The following CFHR3 variants were observed in gnomAD, a reference collection of about 807,000 sequenced individuals.
The protein encoded by CFHR3 is complement factor H related 3, also known as complement factor H-related protein 3.
Under a neutral mutation model 36.0 loss-of-function variants are expected in CFHR3, and 22 were observed. The observed-to-expected ratio is 0.61, with a 90% CI of 0.44 to 0.87. The LOEUF (loss-of-function observed/expected upper bound fraction) is 0.87. CFHR3 is among the 40% of genes least tolerant of loss of function. The pLI is 0.00. For missense variants in CFHR3, 276 were observed against 401.3 expected (o/e 0.69, Z 2.67); for synonymous variants, 97 against 137.4 (o/e 0.71, Z 2.06).
Position 196,776,957 on chromosome 1 carries a change from A to G in CFHR3, c.58+2013A>G, listed in dbSNP as rs1417408039. ...CTTGTTGAATACTTTGTGTTTACAT[A>G]TTATCTGTATTCATCTATATTCAGA... On this transcript the variant is annotated intron_variant, in intron 1 of 5. Coordinates refer to ENST00000367425, the MANE Select transcript of CFHR3 (RefSeq NM_021023.6). Among the ~76,000 whole-genome samples, 4 of 135,536 alleles carry G rather than the reference A, an allele frequency of 3.0e-5. 1 individual carries two copies. Among genetic ancestry groups the G allele is most frequent in the Admixed American group, 1.4e-4 (2 of 13,956 alleles). The allele number at this position is 135,536 out of a possible 152,430, so 88.9% of individuals were successfully genotyped here. A position where few individuals can be genotyped will look rare whatever the true frequency, so the allele number is the denominator to read the frequency against.
chr1:196,778,303 A>C lies in CFHR3; in HGVS notation c.59-859A>C, dbSNP rs1302251400. Among the ~76,000 whole-genome samples, 5 of 136,654 alleles carry C rather than the reference A, an allele frequency of 3.7e-5. 2 individuals carry two copies. The highest frequency in any genetic ancestry group is 7.7e-5 in the Non-Finnish European group (5 of 64,564). The allele number at this position is 136,654 out of a possible 152,430, so 89.7% of individuals were successfully genotyped here. A position where few individuals can be genotyped will look rare whatever the true frequency, so the allele number is the denominator to read the frequency against. On this transcript the variant is annotated intron_variant, in intron 1 of 5. Transcript: ENST00000367425. ...CTCTGAACTTAGTCTTCTCATCTGC[A>C]CACTAAAGCTGTTGTGCCGCTAGCC...
chr1:196,778,330 C>G lies in CFHR3; in HGVS notation c.59-832C>G, dbSNP rs1167002600. Among the ~76,000 whole-genome samples the G allele has an allele frequency of 1.5e-5, 2 of 136,950 alleles. 1 individual carries two copies. Among genetic ancestry groups the G allele is most frequent in the African/African-American group, 6.1e-5 (2 of 32,810 alleles). 89.8% of individuals were successfully genotyped at this position (136,950 alleles called of 152,430 possible). ...ACTAAAGCTGTTGTGCCGCTAGCCTCCTTCCCGTTCTCTCTGATTTATGAT... is the reference window on the plus strand; with the variant it reads ...ACTAAAGCTGTTGTGCCGCTAGCCTGCTTCCCGTTCTCTCTGATTTATGAT... On this transcript the variant is annotated intron_variant, in intron 1 of 5. Transcript: ENST00000367425.
At chr1:196,786,968 T>G (rs1413502275) in intron 3 of CFHR3, among the ~76,000 whole-genome samples, 1 of 137,792 alleles carries the variant, frequency 7.3e-6, no homozygotes, top group East Asian at 1.9e-4. Flanking sequence ...TGATATCTAT[T>G]TTTTAGTTAG....
rs778767924 is a variant in CFHR3 at position 196,779,208 on chromosome 1, T to C, written c.105T>C (p.His35=). The C allele has an allele frequency of 6.5e-7, 1 of 1,530,826 alleles. No individual in the cohort carries two copies. The highest frequency in any genetic ancestry group is 2.2e-5 in the East Asian group (1 of 44,604). 94.8% of individuals were successfully genotyped at this position (1,530,826 alleles called of 1,614,324 possible). ...FPDIKHGGLF[H]ENMRRPYFPV... is the part of the protein sequence containing the mutation. ...ACATTAAACATGGAGGTCTATTTCA[T>C]GAGAATATGCGTAGACCATACTTTC... The change falls in exon 2 of 6, where the codon CAT becomes CAC. Residue 35 remains histidine, a synonymous_variant. Transcript: ENST00000367425.
chr1:196,793,171 A>AC, intron 5 of CFHR3, 146 bp from the exon 6 acceptor site: 11 of 768,248 alleles, frequency 1.4e-5, no homozygotes, highest in Non-Finnish European at 2.0e-5. Flanking sequence ...TGAAATGCTA[A>AC]CGTCAGTATG....
rs184522763 is a variant in CFHR3 at position 196,785,589 on chromosome 1, A to G, written c.431-2627A>G. Among the ~76,000 whole-genome samples, 176 of 136,880 alleles carry G rather than the reference A, an allele frequency of 1.3e-3. 26 individuals are homozygous for G. Among genetic ancestry groups the G allele is most frequent in the South Asian group, 1.5e-3 (6 of 3,914 alleles). 89.8% of individuals were successfully genotyped at this position (136,880 alleles called of 152,430 possible). ...TCACTGATACCCTTTCTTCCAGATGATCACATCGGCTCCTGAGGCTTCTGT... is the reference window on the plus strand; with the variant it reads ...TCACTGATACCCTTTCTTCCAGATGGTCACATCGGCTCCTGAGGCTTCTGT... On this transcript the variant is annotated intron_variant, in intron 3 of 5. Transcript: ENST00000367425.
At chr1:196,779,460 C>A in intron 2 of CFHR3, 104 bp downstream of exon 2, 1 of 982,920 alleles carries the variant, frequency 1.0e-6, no homozygotes, top group Non-Finnish European at 1.5e-6. Context: ...GAAATAGGGC[C>A]AAGAAATGAG....
At position 196,782,758 on chromosome 1, in the gene CFHR3, A is replaced by C. The variant is rs886326288; in HGVS notation, c.430+2785A>C. Reference sequence around the variant, plus strand: ...ATCATGTCACCTGCAAACAAGGACAATTTGACTTCCTCTTTTCCTAATTGA... The same window carrying C: ...ATCATGTCACCTGCAAACAAGGACACTTTGACTTCCTCTTTTCCTAATTGA... On this transcript the variant is annotated intron_variant, in intron 3 of 5. Transcript: ENST00000367425. Among the ~76,000 whole-genome samples, 4 of 137,174 alleles carry C rather than the reference A, an allele frequency of 2.9e-5. 1 individual carries two copies. Among genetic ancestry groups the C allele is most frequent in the Non-Finnish European group, 6.2e-5 (4 of 64,618 alleles). 90.0% of individuals were successfully genotyped at this position (137,174 alleles called of 152,430 possible). A position where few individuals can be genotyped will look rare whatever the true frequency, so the allele number is the denominator to read the frequency against.
At chr1:196,788,108 T>TA in intron 3 of CFHR3, 108 bp from the exon 4 acceptor site, 1 of 774,452 alleles carries the variant, frequency 1.3e-6, no homozygotes, top group Non-Finnish European at 1.8e-6. Context: ...TTCAATTCAT[T>TA]AACAAATGTT....
intron 3 of CFHR3, among the ~76,000 whole-genome samples, chr1:196,781,959 C>T (rs1227438387): frequency 7.3e-6 from 1 of 136,466 alleles, no homozygotes; most frequent in Admixed American, 7.1e-5. Context: ...GTCTTTAATC[C>T]ATCTTGAATT....
chr1:196,792,964 G>A (rs1419728574), intron 5 of CFHR3, among the ~76,000 whole-genome samples: 1 of 134,954 alleles, frequency 7.4e-6, no homozygotes, highest in Non-Finnish European at 1.6e-5. Context: ...TGGGGGAAAG[G>A]AGGATAAGTA....
intron 3 of CFHR3, among the ~76,000 whole-genome samples, chr1:196,787,651 G>C (rs1654263069): frequency 7.3e-6 from 1 of 136,376 alleles, no homozygotes; most frequent in Admixed American, 7.1e-5. Context: ...ACTTATTTTT[G>C]CTATCTTGCT....
intron 1 of CFHR3, among the ~76,000 whole-genome samples, chr1:196,776,427 A>G (rs111958126): frequency 0.019 from 2,645 of 137,768 alleles, 708 homozygotes; most frequent in African/African-American, 0.072. Context: ...GCCAAAATTC[A>G]TTTGTTAAAG....
intron 3 of CFHR3, among the ~76,000 whole-genome samples, chr1:196,781,268 G>T (rs549126472): frequency 1.5e-5 from 2 of 135,112 alleles, no homozygotes; most frequent in East Asian, 3.9e-4. Context: ...GCATACGTGT[G>T]CATGTGTCTT....
At chr1:196,779,105 A>C in intron 1 of CFHR3, 57 bp from the exon 2 acceptor site, 1 of 1,271,174 alleles carries the variant, frequency 7.9e-7, no homozygotes, top group Non-Finnish European at 1.1e-6. Context: ...TTTATCTCTA[A>C]TATGATTTAT....
chr1:196,775,680 G>T (rs1267391324), intron 1 of CFHR3, among the ~76,000 whole-genome samples: 1 of 136,644 alleles, frequency 7.3e-6, no homozygotes, highest in African/African-American at 3.0e-5. Flanking sequence ...CTTTTTGAAT[G>T]CAGGCCTTGC....
intron 4 of CFHR3, chr1:196,788,751 G>A (rs387107): frequency 6.9e-7 from 1 of 1,449,998 alleles, no homozygotes; most frequent in Non-Finnish European, 9.1e-7. Flanking sequence ...TCAGCTGCTT[G>A]TATTGCATTC....
Position 196,774,914 on chromosome 1 carries a change from A to G in CFHR3, c.28A>G (p.Thr10Ala), listed in dbSNP as rs182126628. 3.3e-6 allele frequency: 5 copies of G among 1,529,688 alleles called. 1 individual carries two copies. Among genetic ancestry groups the G allele is most frequent in the Middle Eastern group, 3.7e-4 (2 of 5,360 alleles). 94.8% of individuals were successfully genotyped at this position (1,529,688 alleles called of 1,614,324 possible). A position where few individuals can be genotyped will look rare whatever the true frequency, so the allele number is the denominator to read the frequency against. Reference sequence around the variant, plus strand: ...GTTGTTACTAATCAATGTCATTCTGACCTTGTGGGTTTCCTGTGCTAATGG... The same window carrying G: ...GTTGTTACTAATCAATGTCATTCTGGCCTTGTGGGTTTCCTGTGCTAATGG... MLLLINVILTLWVSCANGQV... is the reference protein window; with the variant it reads MLLLINVILALWVSCANGQV... The change falls in exon 1 of 6, where the codon ACC becomes GCC. Residue 10 changes from threonine (T) to alanine (A), a missense_variant. This residue lies in a region of CFHR3 where 178 missense variants were observed against 247.2 expected (regional missense o/e 0.72). Coordinates refer to ENST00000367425, the MANE Select transcript of CFHR3 (RefSeq NM_021023.6).
rs753009312 is a variant in CFHR3 at position 196,780,182 on chromosome 1, T to A, written c.430+209T>A. The stretch of plus-strand genomic sequence containing the variant: ...AAATAAATGCTCCTATTAATGGGCA[T>A]TAGTCAAGAATACAGTAAAAGAATT... On this transcript the variant is annotated intron_variant, in intron 3 of 5. Transcript: ENST00000367425. Among the ~76,000 whole-genome samples, 8 of 137,746 alleles carry A rather than the reference T, an allele frequency of 5.8e-5. 1 individual carries two copies. Among genetic ancestry groups the A allele is most frequent in the Non-Finnish European group, 1.1e-4 (7 of 64,750 alleles). The allele number at this position is 137,746 out of a possible 152,430, so 90.4% of individuals were successfully genotyped here.
Sources: allele counts gnomAD v4.1 joint callset (sites outside exome capture counted in the v4.1 genomes callset), GRCh38; gene constraint gnomAD v4.1.1; regional missense constraint gnomAD v4.1.1; transcripts MANE v1.5; gene names NCBI Gene and HGNC (gene_info 2026-07-23, HGNC 2026-07-21).